PPARGC1A: variants seen among roughly 807,000 people sequenced by gnomAD.
PPARGC1A encodes the protein PPARG coactivator 1 alpha.
Under a neutral mutation model 88.7 loss-of-function variants are expected in PPARGC1A, and 25 were observed. That is an observed-to-expected ratio of 0.28 (90% CI 0.21 to 0.39). The LOEUF (loss-of-function observed/expected upper bound fraction) is 0.39, where lower values mean the gene tolerates loss of function less well. Ranked by LOEUF, PPARGC1A falls within the 10% of genes least tolerant of loss-of-function variation. PPARGC1A has a pLI of 1.00. For synonymous variants in PPARGC1A, 363 were observed against 355.6 expected (o/e 1.02, Z -0.24); for missense variants, 880 against 968.7 (o/e 0.91, Z 1.22).
the PPARGC1A span, among the ~76,000 whole-genome samples, chr4:24,051,166 T>C: frequency 0.85 from 118,947 of 139,796 alleles, 50,697 homozygotes; most frequent in South Asian, 0.92. Flanking sequence ...CCAGCCTGGG[T>C]GACAGAGCAT....
the PPARGC1A span, among the ~76,000 whole-genome samples, chr4:24,119,573 G>A: frequency 1.3e-5 from 2 of 152,044 alleles, no homozygotes; most frequent in Non-Finnish European, 2.9e-5. Context: ...AAAGCTGAAG[G>A]CCTGCCCAGT....
chr4:24,293,410 C>A, the PPARGC1A span, among the ~76,000 whole-genome samples: 3 of 10,704 alleles, frequency 2.8e-4, no homozygotes, highest in South Asian at 5.3e-3. Context: ...TCTCCCTACC[C>A]CCTCAGCCTC....
chr4:24,322,681 T>C, the PPARGC1A span, among the ~76,000 whole-genome samples: 29 of 152,342 alleles, frequency 1.9e-4, no homozygotes, highest in East Asian at 1.7e-3. Flanking sequence ...GATATCACAT[T>C]GGTGGCTTGA....
chr4:24,208,423 G>C, the PPARGC1A span, among the ~76,000 whole-genome samples: 1 of 152,164 alleles, frequency 6.6e-6, no homozygotes, highest in African/African-American at 2.4e-5. Context: ...ATGGGATAAA[G>C]TGGACAGGAG....
chr4:24,129,530 T>C, the PPARGC1A span, among the ~76,000 whole-genome samples: 1 of 152,130 alleles, frequency 6.6e-6, no homozygotes, highest in African/African-American at 2.4e-5. Context: ...ACTAGTTTAA[T>C]AACAATAAAA....
At chr4:23,823,431 ATT>A (rs200459203) in intron 7 of PPARGC1A, among the ~76,000 whole-genome samples, 2,422 of 152,138 alleles carry the variant, frequency 0.016, 38 homozygotes, top group African/African-American at 0.037. Flanking sequence ...TTGAATGTAT[ATT>A]TTTGTGTTTT....
chr4:24,129,878 C>T, the PPARGC1A span, among the ~76,000 whole-genome samples: 1 of 152,072 alleles, frequency 6.6e-6, no homozygotes, highest in Non-Finnish European at 1.5e-5. Context: ...CCATCATTCT[C>T]AGCAAACTAT....
the PPARGC1A span, among the ~76,000 whole-genome samples, chr4:24,421,497 G>A: frequency 2.6e-5 from 4 of 152,172 alleles, no homozygotes; most frequent in African/African-American, 9.6e-5. Flanking sequence ...ATTTTTAGTA[G>A]AGACGGGGTT....
the PPARGC1A span, among the ~76,000 whole-genome samples, chr4:24,429,651 A>ATTT: frequency 7.6e-3 from 1,002 of 132,212 alleles, 14 homozygotes; most frequent in Non-Finnish European, 9.7e-3. Context: ...GACAGTGAGA[A>ATTT]TTTTTTTTTT....
the PPARGC1A span, among the ~76,000 whole-genome samples, chr4:23,917,175 G>A: frequency 1.1e-4 from 16 of 152,140 alleles, no homozygotes; most frequent in Non-Finnish European, 1.9e-4. Flanking sequence ...AATTGGAACA[G>A]GCAGTAGAGA....
the PPARGC1A span, among the ~76,000 whole-genome samples, chr4:24,186,648 T>C: frequency 3.9e-5 from 6 of 152,240 alleles, no homozygotes; most frequent in East Asian, 9.7e-4. Flanking sequence ...TCACACTCTA[T>C]TATGGCGCAA....
intron 10 of PPARGC1A, among the ~76,000 whole-genome samples, chr4:23,811,051 T>C (rs759728286): frequency 6.6e-6 from 1 of 152,208 alleles, no homozygotes; most frequent in Non-Finnish European, 1.5e-5. Context: ...TTGTTGTAAT[T>C]TGCAAAATGC....
At chr4:24,081,322 C>A in the PPARGC1A span, among the ~76,000 whole-genome samples, 1 of 152,040 alleles carries the variant, frequency 6.6e-6, no homozygotes, top group Non-Finnish European at 1.5e-5. Context: ...GTGATTTGTG[C>A]TATTTAAGGC....
the PPARGC1A span, among the ~76,000 whole-genome samples, chr4:24,018,840 C>CT: frequency 6.6e-6 from 1 of 151,824 alleles, no homozygotes; most frequent in Non-Finnish European, 1.5e-5. Context: ...TTAAAGTTTT[C>CT]TTTTTTGCAA....
intron 7 of PPARGC1A, among the ~76,000 whole-genome samples, chr4:23,815,981 A>AG (rs951774730): frequency 6.6e-6 from 1 of 152,190 alleles, no homozygotes; most frequent in African/African-American, 2.4e-5. Context: ...TGATATGAAC[A>AG]GGAAGATGCT....
At chr4:24,291,683 C>G in the PPARGC1A span, among the ~76,000 whole-genome samples, 1 of 152,210 alleles carries the variant, frequency 6.6e-6, no homozygotes, top group Non-Finnish European at 1.5e-5. Context: ...CCGTGCTCTT[C>G]TTGACCAGCC....
the PPARGC1A span, among the ~76,000 whole-genome samples, chr4:24,466,886 C>CAAAAAAAAAAAA: frequency 1.6e-3 from 112 of 68,268 alleles, 4 homozygotes; most frequent in Non-Finnish European, 2.3e-3. Flanking sequence ...TGCACACCAG[C>CAAAAAAAAAAAA]AAAAAAAAAA....
At chr4:24,143,595 A>G in the PPARGC1A span, among the ~76,000 whole-genome samples, 3 of 150,402 alleles carry the variant, frequency 2.0e-5, no homozygotes, top group African/African-American at 7.5e-5. Flanking sequence ...TATTAGACAG[A>G]TAGATGGATG....
At chr4:24,379,074 A>G in the PPARGC1A span, among the ~76,000 whole-genome samples, 1 of 152,210 alleles carries the variant, frequency 6.6e-6, no homozygotes, top group Admixed American at 6.5e-5. Context: ...TTAAATATCA[A>G]GAAAAAGGTT....
Sources: gnomAD v4.1 joint callset for allele counts (sites outside exome capture counted in the v4.1 genomes callset) on GRCh38, gnomAD v4.1.1 for gene constraint, MANE v1.5 for transcripts, NCBI Gene and HGNC (gene_info 2026-07-23, HGNC 2026-07-21) for gene names.